CARHSP1: variants seen among roughly 807,000 people sequenced by gnomAD.
The protein encoded by CARHSP1 is calcium regulated heat stable protein 1, also known as calcium-regulated heat-stable protein 1.
Under a neutral mutation model 12.5 loss-of-function variants are expected in CARHSP1, and 14 were observed. That is an observed-to-expected ratio of 1.12 (90% CI 0.74 to 1.75). CARHSP1 has a LOEUF of 1.75. Among genes scored for constraint, CARHSP1 ranks in the 40% most tolerant of loss-of-function variants. The pLI is 0.00. For synonymous variants in CARHSP1, 161 were observed against 82.0 expected (o/e 1.96, Z -5.20); for missense variants, 343 against 201.6 (o/e 1.70, Z -4.25).
intron 1 of CARHSP1, among the ~76,000 whole-genome samples, chr16:8,865,230 C>G (rs2061434702): frequency 6.6e-6 from 1 of 152,184 alleles, no homozygotes. Context: ...CTGCCTTAGC[C>G]TCCCGAGTAG....
chr16:8,859,034 A>T, intron 2 of CARHSP1, 137 bp downstream of exon 2: 2 of 747,278 alleles, frequency 2.7e-6, no homozygotes, highest in Non-Finnish European at 4.1e-6. Context: ...TCTCACCCTC[A>T]GCCCACGGCC....
intron 1 of CARHSP1, chr16:8,860,285 T>C (rs975152693): frequency 5.1e-6 from 5 of 984,194 alleles, no homozygotes; most frequent in Non-Finnish European, 6.0e-6. Context: ...GCCCAGTGAA[T>C]TTCCACACAG....
chr16:8,861,416 G>GC (rs758496321), intron 1 of CARHSP1, among the ~76,000 whole-genome samples: 17 of 151,164 alleles, frequency 1.1e-4, no homozygotes, highest in East Asian at 4.0e-4. Flanking sequence ...ACCTCAGTTT[G>GC]CCCCCCCAGT....
chr16:8,858,170 A>G (rs968331064), intron 3 of CARHSP1, 180 bp downstream of exon 3: 2 of 716,390 alleles, frequency 2.8e-6, no homozygotes, highest in Non-Finnish European at 4.5e-6. Context: ...AGAGTCTCAC[A>G]ACCCCAACCC....
chr16:8,858,533 T>G (rs1035161637), intron 2 of CARHSP1, 61 bp from the exon 3 acceptor site: 19 of 1,587,910 alleles, frequency 1.2e-5, no homozygotes, highest in South Asian at 3.4e-5. Flanking sequence ...CAAAGCTCAT[T>G]CCAGCCCCTG....
At position 8,854,942 on chromosome 16, in the gene CARHSP1, G is replaced by A. The variant is rs1052192; in HGVS notation, c.*222C>T. 1 of 396,722 alleles carries A rather than the reference G, an allele frequency of 2.5e-6. No homozygotes were observed. The allele number at this position is 396,722 out of a possible 1,614,324, so 24.6% of individuals were successfully genotyped here. A position where few individuals can be genotyped will look rare whatever the true frequency, so the allele number is the denominator to read the frequency against. ...TTTTAAATGCTTTTAATGCTCTTCAGATGGTGAGAGGTTGTTGCAATGGTC... is the reference window on the plus strand; with the variant it reads ...TTTTAAATGCTTTTAATGCTCTTCAAATGGTGAGAGGTTGTTGCAATGGTC... On this transcript the variant is annotated 3_prime_UTR_variant, in exon 4 of 4. Coordinates refer to ENST00000311052, the MANE Select transcript of CARHSP1 (RefSeq NM_014316.4).
At chr16:8,861,314 C>T (rs992361780) in intron 1 of CARHSP1, among the ~76,000 whole-genome samples, 19 of 151,026 alleles carry the variant, frequency 1.3e-4, no homozygotes, top group Admixed American at 5.9e-4. Context: ...CCACCATGCC[C>T]GGCCTGAACT....
Position 8,854,239 on chromosome 16 carries a change from C to T in CARHSP1, c.*925G>A, listed in dbSNP as rs573013047. 8 of 152,306 alleles carry T rather than the reference C, an allele frequency of 5.3e-5. No individual in the cohort carries two copies. The highest frequency in any genetic ancestry group is 1.9e-4 in the African/African-American group (8 of 41,564). The allele number at this position is 152,306 out of a possible 1,614,324, so 9.4% of individuals were successfully genotyped here. On this transcript the variant is annotated 3_prime_UTR_variant, in exon 4 of 4. Coordinates refer to ENST00000311052, the MANE Select transcript of CARHSP1 (RefSeq NM_014316.4). Reference sequence around the variant, plus strand: ...ACCCCCTCTCCAAAGGTATGTTTCTCCTTCAACTTTCTTGACTTTGCCAGG... The same window carrying T: ...ACCCCCTCTCCAAAGGTATGTTTCTTCTTCAACTTTCTTGACTTTGCCAGG...
intron 1 of CARHSP1, chr16:8,860,668 C>T (rs1331252450): frequency 5.6e-6 from 1 of 179,984 alleles, no homozygotes; most frequent in Non-Finnish European, 1.0e-5. Context: ...CTAACTAACT[C>T]AGGACGCCAC....
At chr16:8,861,693 G>A (rs530597665) in intron 1 of CARHSP1, 28 of 1,288,944 alleles carry the variant, frequency 2.2e-5, no homozygotes, top group Admixed American at 1.8e-4. Flanking sequence ...AGCTACAGCC[G>A]CGGCCAAGGA....
chr16:8,860,140 CA>C (rs1208362543), intron 1 of CARHSP1: 1 of 985,350 alleles, frequency 1.0e-6, no homozygotes, highest in Non-Finnish European at 1.2e-6. Flanking sequence ...AACTGTGGAA[CA>C]CGTCGCAGAG....
rs2437703 is a variant in CARHSP1, at chr16:8,853,645, G to C, written c.*1519C>G. ...AAGCCAGTTTCCAAAAGGTTTGCTT[G>C]CCTCTGTTCAGTGGATTCTTGACTA... On this transcript the variant is annotated 3_prime_UTR_variant, in exon 4 of 4. Transcript: ENST00000311052. 148,370 of 152,310 alleles carry C rather than the reference G, an allele frequency of 0.97. 72,382 individuals are homozygous for C. Among genetic ancestry groups the C allele is most frequent in the Middle Eastern group, 1 (294 of 294 alleles). The allele number at this position is 152,310 out of a possible 1,614,324, so 9.4% of individuals were successfully genotyped here.
chr16:8,857,706 C>T (rs28707275), intron 3 of CARHSP1: 31,035 of 148,092 alleles, frequency 0.21, 3,350 homozygotes, highest in East Asian at 0.27. Context: ...TCTCCTGCCT[C>T]AGCCTTCCGA....
chr16:8,867,660 C>G (rs1445498404), intron 1 of CARHSP1: 2 of 152,504 alleles, frequency 1.3e-5, no homozygotes, highest in African/African-American at 4.8e-5. Context: ...CCCAGCCGGG[C>G]TCTGCGCCTC....
chr16:8,859,289 G>T lies in CARHSP1; in HGVS notation c.40C>A (p.His14Asn). The T allele has an allele frequency of 6.2e-7, 1 of 1,604,564 alleles. No homozygotes were observed. ...EPPPPPQPPT[H>N]QASVGLLDTP... ...TCCAGCAGCCCGACTGAAGCTTGAT[G>T]GGTGGGGGGCTGTGGTGGTGGGGGA... The change falls in exon 2 of 4, where the codon CAT becomes AAT. Residue 14 changes from histidine (H) to asparagine (N), a missense_variant. Coordinates refer to ENST00000311052, the MANE Select transcript of CARHSP1 (RefSeq NM_014316.4).
intron 2 of CARHSP1, 123 bp downstream of exon 2, chr16:8,859,048 C>G (rs2061252318): frequency 1.1e-6 from 1 of 902,522 alleles, no homozygotes; most frequent in East Asian, 2.7e-5. Context: ...CACGGCCCAG[C>G]CCCAGGTCTG....
At position 8,859,308 on chromosome 16, in the gene CARHSP1, T is replaced by C. The variant is rs760947089; in HGVS notation, c.21A>G (p.Pro7=). ...CTTGATGGGTGGGGGGCTGTGGTGG[T>C]GGGGGAGGCTCAGATGACATGGCTG... MSSEPP[P]PPQPPTHQAS... is the part of the protein sequence containing the mutation. The change falls in exon 2 of 4, where the codon CCA becomes CCG. Residue 7 remains proline, a synonymous_variant. Coordinates refer to ENST00000311052, the MANE Select transcript of CARHSP1 (RefSeq NM_014316.4). 5 of 1,571,492 alleles carry C rather than the reference T, an allele frequency of 3.2e-6. No individual in the cohort carries two copies. The African/African-American group carries it at 7.3e-5, about 23-fold the overall frequency.
intron 3 of CARHSP1, among the ~76,000 whole-genome samples, chr16:8,855,790 G>A (rs4985056): frequency 0.86 from 130,351 of 152,172 alleles, 56,129 homozygotes; most frequent in East Asian, 0.97. Flanking sequence ...CTCAGAAACC[G>A]CACCGTGTCT....
At chr16:8,865,549 C>T (rs1041614411) in intron 1 of CARHSP1, among the ~76,000 whole-genome samples, 18 of 152,344 alleles carry the variant, frequency 1.2e-4, no homozygotes, top group East Asian at 1.9e-4. Flanking sequence ...ATGAGGGTGT[C>T]TTGAGCCTTC....
Sources: allele counts gnomAD v4.1 joint callset (sites outside exome capture counted in the v4.1 genomes callset), GRCh38; gene constraint gnomAD v4.1.1; transcripts MANE v1.5; gene names NCBI Gene and HGNC (gene_info 2026-07-23, HGNC 2026-07-21).